SOX6: variants seen among roughly 807,000 people sequenced by gnomAD.
The protein encoded by SOX6 is SRY-box transcription factor 6.
SOX6 carries 11 observed loss-of-function variants against 97.8 expected under a neutral mutation model. The observed-to-expected ratio is 0.11, with a 90% CI of 0.07 to 0.19. The LOEUF is 0.19. SOX6 is among the 10% of genes least tolerant of loss of function. SOX6 has a pLI of 1.00. For missense variants in SOX6, 810 were observed against 1,039.5 expected (o/e 0.78, Z 3.04); for synonymous variants, 360 against 371.4 (o/e 0.97, Z 0.35).
chr11:16,284,057 A>G (rs1854660162), intron 3 of SOX6: 1 of 237,718 alleles, frequency 4.2e-6, no homozygotes, highest in African/African-American at 2.4e-5. Context: ...AGCAAGAAAG[A>G]AGTGTTATTT....
intron 4 of SOX6, among the ~76,000 whole-genome samples, chr11:16,498,192 C>T (rs963811227): frequency 6.6e-6 from 1 of 152,144 alleles, no homozygotes; most frequent in East Asian, 1.9e-4. Flanking sequence ...AATTTTCAAC[C>T]TACAATTTCA....
At chr11:16,330,133 C>G (rs1565095293) in intron 2 of SOX6, among the ~76,000 whole-genome samples, 1 of 152,064 alleles carries the variant, frequency 6.6e-6, no homozygotes, top group Non-Finnish European at 1.5e-5. Flanking sequence ...ACTGTCTGAA[C>G]AACAAGAATT....
chr11:16,393,853 G>C (rs994411913), intron 1 of SOX6, among the ~76,000 whole-genome samples: 5 of 151,938 alleles, frequency 3.3e-5, no homozygotes, highest in Admixed American at 2.6e-4. Flanking sequence ...ACTTACGAAG[G>C]ACATCCACCT....
chr11:16,123,710 T>C (rs1326042323), intron 6 of SOX6, among the ~76,000 whole-genome samples: 1 of 151,964 alleles, frequency 6.6e-6, no homozygotes, highest in Non-Finnish European at 1.5e-5. Flanking sequence ...ACCTGCTATC[T>C]CCCTTTAATG....
chr11:16,306,973 C>T (rs1472916001), intron 3 of SOX6, among the ~76,000 whole-genome samples: 1 of 152,126 alleles, frequency 6.6e-6, no homozygotes, highest in African/African-American at 2.4e-5. Flanking sequence ...AAGATTACAA[C>T]AGAACTCCAG....
At chr11:16,730,250 T>A (rs1377995051) in intron 2 of SOX6, among the ~76,000 whole-genome samples, 1 of 152,120 alleles carries the variant, frequency 6.6e-6, no homozygotes, top group South Asian at 2.1e-4. Context: ...GCCGACCTAA[T>A]GGACATCTAC....
intron 1 of SOX6, chr11:16,402,725 C>T: frequency 6.2e-7 from 1 of 1,610,530 alleles, no homozygotes; most frequent in Non-Finnish European, 8.5e-7. Flanking sequence ...GGTATTTGTT[C>T]CATCACCTGA....
intron 2 of SOX6, among the ~76,000 whole-genome samples, chr11:16,735,194 T>C (rs1388439863): frequency 6.6e-6 from 1 of 152,154 alleles, no homozygotes; most frequent in African/African-American, 2.4e-5. Flanking sequence ...TGAACCCATA[T>C]AGTGAGAGAG....
chr11:16,244,857 T>C (rs78243491), intron 3 of SOX6, among the ~76,000 whole-genome samples: 8,363 of 151,822 alleles, frequency 0.055, 295 homozygotes, highest in Non-Finnish European at 0.08. Flanking sequence ...ACTGTCTTCA[T>C]TGTTGCAGCC....
At chr11:16,417,269 C>A (rs1323042918) in intron 1 of SOX6, among the ~76,000 whole-genome samples, 1 of 152,174 alleles carries the variant, frequency 6.6e-6, no homozygotes, top group Non-Finnish European at 1.5e-5. Context: ...ACCATCCATA[C>A]CCCTGGCCCA....
At chr11:16,011,349 T>C (rs776504438) in intron 13 of SOX6, among the ~76,000 whole-genome samples, 27 of 152,238 alleles carry the variant, frequency 1.8e-4, no homozygotes, top group Middle Eastern at 3.4e-3. Flanking sequence ...ACATGTTTCC[T>C]AAGTCCCCGG....
At chr11:16,095,240 G>A (rs954252049) in intron 9 of SOX6, among the ~76,000 whole-genome samples, 11 of 151,830 alleles carry the variant, frequency 7.2e-5, no homozygotes, top group Admixed American at 5.3e-4. Context: ...GAGAGTCCCA[G>A]TGAGGGACCC....
chr11:16,434,546 T>C (rs1859336220), intron 1 of SOX6: 1 of 152,198 alleles, frequency 6.6e-6, no homozygotes, highest in African/African-American at 2.4e-5. Context: ...TATTCTCTCA[T>C]AGCACTTTAT....
intron 6 of SOX6, among the ~76,000 whole-genome samples, chr11:16,170,454 T>C (rs758188340): frequency 6.6e-6 from 1 of 152,014 alleles, no homozygotes; most frequent in Non-Finnish European, 1.5e-5. Flanking sequence ...CCAGTCGGCA[T>C]AAAAGAAGAA....
chr11:16,197,918 T>C (rs1201115583), intron 4 of SOX6, among the ~76,000 whole-genome samples: 1 of 152,224 alleles, frequency 6.6e-6, no homozygotes, highest in East Asian at 1.9e-4. Flanking sequence ...TAAAAGTTAA[T>C]ATACATTTGT....
intron 9 of SOX6, among the ~76,000 whole-genome samples, chr11:16,066,717 T>C (rs911283281): frequency 4.6e-5 from 7 of 151,978 alleles, no homozygotes; most frequent in Non-Finnish European, 7.4e-5. Context: ...CTCATGGAGA[T>C]AGAGAGTAGA....
At chr11:15,977,241 G>A (rs767941777) in intron 15 of SOX6, among the ~76,000 whole-genome samples, 18 of 151,744 alleles carry the variant, frequency 1.2e-4, no homozygotes, top group Admixed American at 3.9e-4. Flanking sequence ...TCCAACACCC[G>A]ACTATCTCAG....
At chr11:16,059,806 T>C (rs946532915) in intron 9 of SOX6, among the ~76,000 whole-genome samples, 11 of 151,972 alleles carry the variant, frequency 7.2e-5, no homozygotes, top group African/African-American at 2.4e-4. Flanking sequence ...TGTTGTATCA[T>C]CTTCCTTTGA....
At chr11:16,184,041 TC>T (rs1851408770) in intron 5 of SOX6, 87 bp from the exon 6 acceptor site, 1 of 1,174,018 alleles carries the variant, frequency 8.5e-7, no homozygotes, top group Non-Finnish European at 1.3e-6. Context: ...ATTACAACAA[TC>T]TTTTACCGCA....
Sources: gnomAD v4.1 joint callset for allele counts (sites outside exome capture counted in the v4.1 genomes callset) on GRCh38, gnomAD v4.1.1 for gene constraint, MANE v1.5 for transcripts, NCBI Gene and HGNC (gene_info 2026-07-23, HGNC 2026-07-21) for gene names.